Variants in TNIK observed in about 807,000 individuals in gnomAD.
TNIK encodes the protein TRAF2 and NCK interacting kinase.
A neutral mutation model predicts 191.3 loss-of-function variants in TNIK; 49 were observed. The ratio of observed to expected loss-of-function variants is 0.26; its 90% CI spans 0.20 to 0.32. The LOEUF is 0.32. Among genes scored for constraint, TNIK ranks in the 10% least tolerant of loss-of-function variants. The pLI, the probability that TNIK is intolerant of heterozygous loss-of-function variation, is 1.00. For synonymous variants in TNIK, 594 were observed against 600.9 expected (o/e 0.99, Z 0.17); for missense variants, 1,155 against 1,702.3 (o/e 0.68, Z 5.66).
In TNIK at chr3:171,196,818, G is replaced by A. The variant is rs548712711; in HGVS notation, c.307-2183C>T. Among the ~76,000 whole-genome samples, 10 of 152,128 alleles carry A rather than the reference G, an allele frequency of 6.6e-5. No homozygotes were observed. In the South Asian group the frequency reaches 1.0e-3, roughly 16 times the overall value. ...CTCACTGTGTCACCCAGGCTGGCGC[G>A]ATCTCGGCTCACTGCAAGCTCCACC... On this transcript the variant is annotated intron_variant, in intron 4 of 32. Transcript: ENST00000436636.
chr3:171,139,384 A>ACG (rs1418612726), intron 14 of TNIK, 86 bp downstream of exon 14: 123 of 909,250 alleles, frequency 1.4e-4, no homozygotes, highest in Non-Finnish European at 1.6e-4. Context: ...GCGCGCACAC[A>ACG]CACACACACA....
chr3:171,233,935 C>A (rs1162445970), intron 2 of TNIK, among the ~76,000 whole-genome samples: 1 of 152,142 alleles, frequency 6.6e-6, no homozygotes, highest in Non-Finnish European at 1.5e-5. Flanking sequence ...TTATTTTGCT[C>A]ATAAATAAAA....
intron 2 of TNIK, among the ~76,000 whole-genome samples, chr3:171,256,889 G>T (rs982732055): frequency 2.7e-4 from 41 of 152,254 alleles, no homozygotes; most frequent in African/African-American, 9.9e-4. Flanking sequence ...GTGAGTGTGT[G>T]ACTGTATATT....
intron 1 of TNIK, among the ~76,000 whole-genome samples, chr3:171,373,667 C>T (rs1049803627): frequency 6.6e-6 from 1 of 152,178 alleles, no homozygotes; most frequent in Admixed American, 6.5e-5. Flanking sequence ...CATTCTTAGG[C>T]CTGGCCTCGA....
At chr3:171,079,746 CGTGTGTGT>C in intron 27 of TNIK, 94 bp from the exon 28 acceptor site, 2 of 1,314,744 alleles carry the variant, frequency 1.5e-6, no homozygotes, top group South Asian at 3.2e-5. Context: ...ATTTTATTTA[CGTGTGTGT>C]GTGTGTGTAT....
chr3:171,411,419 A>C (rs977706267), intron 1 of TNIK, among the ~76,000 whole-genome samples: 7 of 152,202 alleles, frequency 4.6e-5, no homozygotes, highest in Non-Finnish European at 8.8e-5. Context: ...GAAAAAATTA[A>C]AAAAGAGTTG....
chr3:171,238,702 C>T (rs1163013703), intron 2 of TNIK, among the ~76,000 whole-genome samples: 1 of 152,106 alleles, frequency 6.6e-6, no homozygotes, highest in Non-Finnish European at 1.5e-5. Context: ...CATAGGTGCT[C>T]AATGAATGCT....
At chr3:171,372,702 A>C (rs1716684653) in intron 1 of TNIK, among the ~76,000 whole-genome samples, 1 of 152,080 alleles carries the variant, frequency 6.6e-6, no homozygotes, top group African/African-American at 2.4e-5. Context: ...AGCTGAGGAC[A>C]TTTTTCAGAT....
At chr3:171,113,784 A>G (rs1169848967) in intron 18 of TNIK, among the ~76,000 whole-genome samples, 1 of 152,028 alleles carries the variant, frequency 6.6e-6, no homozygotes, top group Non-Finnish European at 1.5e-5. Flanking sequence ...TTGAGATATG[A>G]TAATGAACGG....
chr3:171,222,652 C>T (rs532008917), intron 3 of TNIK, among the ~76,000 whole-genome samples: 1 of 152,256 alleles, frequency 6.6e-6, no homozygotes, highest in South Asian at 2.1e-4. Context: ...AGCAAGCATT[C>T]ACTGAGCCCT....
intron 2 of TNIK, among the ~76,000 whole-genome samples, chr3:171,346,351 T>C (rs1712185945): frequency 6.6e-6 from 1 of 152,166 alleles, no homozygotes; most frequent in Admixed American, 6.6e-5. Flanking sequence ...AAAGATATGG[T>C]CCATAATTAA....
chr3:171,413,163 C>A lies in TNIK; in HGVS notation c.58-43478G>T, dbSNP rs11715392. ...CACAAATACATGATAATATCATATG[C>A]GCATACATATTTTTACTTACATTCA... On this transcript the variant is annotated intron_variant, in intron 1 of 32. Transcript: ENST00000436636. Among the ~76,000 whole-genome samples, 966 of 152,168 alleles carry A rather than the reference C, an allele frequency of 6.3e-3. 13 individuals are homozygous for A. Among genetic ancestry groups the A allele is most frequent in the African/African-American group, 0.023 (942 of 41,520 alleles).
intron 1 of TNIK, among the ~76,000 whole-genome samples, chr3:171,417,317 G>C (rs1723213690): frequency 1.3e-5 from 2 of 152,108 alleles, no homozygotes; most frequent in South Asian, 4.1e-4. Context: ...AGAGCATTTA[G>C]TAAGCTGTTT....
intron 21 of TNIK, 103 bp from the exon 22 acceptor site, chr3:171,101,736 C>T: frequency 2.6e-6 from 3 of 1,150,652 alleles, no homozygotes; most frequent in Non-Finnish European, 3.7e-6. Flanking sequence ...AAAAAAAAAG[C>T]TCTATATAGA....
At chr3:171,345,982 G>A (rs576597514) in intron 2 of TNIK, among the ~76,000 whole-genome samples, 17 of 152,126 alleles carry the variant, frequency 1.1e-4, no homozygotes, top group South Asian at 1.0e-3. Flanking sequence ...TGAATGCTAC[G>A]GGAAAAAAAT....
At chr3:171,333,584 G>GAAAAAAAAAA (rs562856294) in intron 2 of TNIK, among the ~76,000 whole-genome samples, 7 of 114,246 alleles carry the variant, frequency 6.1e-5, no homozygotes, top group South Asian at 3.1e-4. Flanking sequence ...CAAAAAGAAA[G>GAAAAAAAAAA]AAAAAAAAAA....
At chr3:171,213,661 T>C (rs1459950659) in intron 3 of TNIK, among the ~76,000 whole-genome samples, 1 of 152,100 alleles carries the variant, frequency 6.6e-6, no homozygotes, top group Non-Finnish European at 1.5e-5. Context: ...ATAAAGTCAG[T>C]ACATTCTCCA....
rs560545264 is a variant in TNIK at position 171,437,879 on chromosome 3, A to C, written c.57+22128T>G. ...GAGGGCCTACAATGTGCCACTAATG[A>C]CAGGTGCTGAGGAAATCCGGGGAGT... is the stretch of plus-strand genomic sequence containing the variant. On this transcript the variant is annotated intron_variant, in intron 1 of 32. Coordinates refer to ENST00000436636, the MANE Select transcript of TNIK (RefSeq NM_015028.4). 8.9e-4 allele frequency among the ~76,000 whole-genome samples: 135 copies of C among 152,364 alleles called. 2 individuals carry two copies. Among genetic ancestry groups the C allele is most frequent in the African/African-American group, 3.1e-3 (129 of 41,592 alleles).
chr3:171,075,713 GT>G (rs529576881), intron 28 of TNIK, among the ~76,000 whole-genome samples: 2,337 of 143,834 alleles, frequency 0.016, 27 homozygotes, highest in African/African-American at 0.041. Flanking sequence ...GACATTAAAC[GT>G]TTTTTTTTTT....
Sources: gnomAD v4.1 joint callset for allele counts (sites outside exome capture counted in the v4.1 genomes callset) on GRCh38, gnomAD v4.1.1 for gene constraint, MANE v1.5 for transcripts, NCBI Gene and HGNC (gene_info 2026-07-23, HGNC 2026-07-21) for gene names.